GRM1: variants seen among roughly 807,000 people sequenced by gnomAD.
GRM1 encodes glutamate metabotropic receptor 1, also known as metabotropic glutamate receptor 1.
Under a neutral mutation model 90.9 loss-of-function variants are expected in GRM1, and 33 were observed. The observed-to-expected ratio is 0.36, with a 90% CI of 0.28 to 0.49. The LOEUF (loss-of-function observed/expected upper bound fraction) is 0.49, where lower values mean the gene tolerates loss of function less well. GRM1 is among the 20% of genes least tolerant of loss of function. The pLI, the probability that GRM1 is intolerant of heterozygous loss-of-function variation, is 0.99. For missense variants in GRM1, 1,190 were observed against 1,534.3 expected (o/e 0.78, Z 3.75); for synonymous variants, 700 against 613.2 (o/e 1.14, Z -2.09).
chr6:146,053,592 GA>G (rs1306939253), intron 1 of GRM1, among the ~76,000 whole-genome samples: 1 of 152,010 alleles, frequency 6.6e-6, no homozygotes, highest in East Asian at 1.9e-4. Flanking sequence ...AGGACTGATG[GA>G]CTGAATCCTG....
Position 146,357,564 on chromosome 6 carries a change from G to A in GRM1, c.1472G>A (p.Arg491His), listed in dbSNP as rs764264066. 11 of 1,613,588 alleles carry A rather than the reference G, an allele frequency of 6.8e-6. No homozygotes were observed. The East Asian group carries it at 8.9e-5, about 13-fold the overall frequency. ...IMNLQYTEAN[R>H]YDYVHVGTWH... The stretch of plus-strand genomic sequence containing the variant: ...AATCTGCAGTACACTGAAGCTAATC[G>A]CTATGACTATGTGCACGTTGGAACC... Residue 491 changes from arginine to histidine, a missense_variant, in exon 5 of 8, where the codon CGC becomes CAC. Transcript: ENST00000282753.
chr6:146,045,837 C>A (rs1205804556), intron 1 of GRM1, among the ~76,000 whole-genome samples: 1 of 149,628 alleles, frequency 6.7e-6, no homozygotes, highest in African/African-American at 2.5e-5. Context: ...CCCTTTTTCC[C>A]TTTTTAATCA....
chr6:146,057,353 A>G (rs1051628223), intron 1 of GRM1, among the ~76,000 whole-genome samples: 1 of 152,134 alleles, frequency 6.6e-6, no homozygotes, highest in Non-Finnish European at 1.5e-5. Flanking sequence ...TCCCCAGTGT[A>G]GCGGAATAAC....
At chr6:146,228,826 A>G (rs772691319) in intron 2 of GRM1, among the ~76,000 whole-genome samples, 9 of 152,146 alleles carry the variant, frequency 5.9e-5, no homozygotes, top group Non-Finnish European at 1.2e-4. Flanking sequence ...CAATTACATC[A>G]TCTATAAATG....
intron 5 of GRM1, among the ~76,000 whole-genome samples, chr6:146,381,608 T>A (rs1012331014): frequency 1.3e-5 from 2 of 152,160 alleles, no homozygotes; most frequent in African/African-American, 4.8e-5. Context: ...TGATTTTTGA[T>A]TCTCTGTAGA....
chr6:146,163,540 A>T (rs1161545076), intron 2 of GRM1, among the ~76,000 whole-genome samples: 1 of 152,208 alleles, frequency 6.6e-6, no homozygotes. Context: ...CTGCAGTGCC[A>T]GTGCTGGGAT....
In GRM1 at chr6:146,412,141, T is replaced by C. The variant is rs1258947998; in HGVS notation, c.2660+12442T>C. Among the ~76,000 whole-genome samples the C allele has an allele frequency of 2.6e-5, 4 of 152,346 alleles. No homozygotes were observed. In the South Asian group the frequency reaches 6.2e-4, roughly 24 times the overall value. The stretch of plus-strand genomic sequence containing the variant: ...GTCTCCCCTTACAAGTCTATTGATA[T>C]ATGTTGCAGCATTGTCAACGCTGTA... On this transcript the variant is annotated intron_variant, in intron 7 of 7. Coordinates refer to ENST00000282753, the MANE Select transcript of GRM1 (RefSeq NM_001278064.2).
chr6:146,308,174 G>A (rs147843743), intron 3 of GRM1, among the ~76,000 whole-genome samples: 293 of 152,288 alleles, frequency 1.9e-3, no homozygotes, highest in African/African-American at 6.7e-3. Flanking sequence ...CATAGAAGCT[G>A]ATAGGGTGTA....
At chr6:146,110,159 G>T (rs1775500442) in intron 1 of GRM1, among the ~76,000 whole-genome samples, 1 of 152,136 alleles carries the variant, frequency 6.6e-6, no homozygotes, top group African/African-American at 2.4e-5. Flanking sequence ...CATGAGATTT[G>T]GGAGGGGCCA....
At chr6:146,208,275 A>C (rs1374954622) in intron 2 of GRM1, among the ~76,000 whole-genome samples, 1 of 152,200 alleles carries the variant, frequency 6.6e-6, no homozygotes, top group Non-Finnish European at 1.5e-5. Flanking sequence ...CATGCTTTCA[A>C]ACTGATAATT....
intron 3 of GRM1, among the ~76,000 whole-genome samples, chr6:146,345,512 C>G (rs907139508): frequency 9.9e-5 from 15 of 152,158 alleles, no homozygotes; most frequent in African/African-American, 3.6e-4. Flanking sequence ...TCTTGTATTT[C>G]ACTCTGTATT....
At chr6:146,385,449 T>C (rs1776468957) in intron 5 of GRM1, among the ~76,000 whole-genome samples, 1 of 151,882 alleles carries the variant, frequency 6.6e-6, no homozygotes, top group Admixed American at 6.6e-5. Context: ...TAAACTTCCA[T>C]ACCAAGTGAA....
intron 5 of GRM1, among the ~76,000 whole-genome samples, chr6:146,379,354 G>A (rs548636473): frequency 1.3e-5 from 2 of 152,058 alleles, no homozygotes; most frequent in South Asian, 4.2e-4. Context: ...GATCCATTCT[G>A]CATTAAGACT....
chr6:146,215,852 G>A (rs1188261295), intron 2 of GRM1, among the ~76,000 whole-genome samples: 1 of 151,846 alleles, frequency 6.6e-6, no homozygotes, highest in Non-Finnish European at 1.5e-5. Flanking sequence ...CGCCTCCTGG[G>A]TTCACGCCAT....
At chr6:146,165,641 A>G (rs1777879576) in intron 2 of GRM1, among the ~76,000 whole-genome samples, 1 of 152,176 alleles carries the variant, frequency 6.6e-6, no homozygotes, top group African/African-American at 2.4e-5. Flanking sequence ...CAGACAGGCT[A>G]TACTTTTCTT....
chr6:146,346,491 T>G (rs1041178316), intron 3 of GRM1, among the ~76,000 whole-genome samples: 1 of 152,172 alleles, frequency 6.6e-6, no homozygotes, highest in Non-Finnish European at 1.5e-5. Context: ...GAGATAACCC[T>G]TTAGGGAAAG....
chr6:146,221,193 AT>A (rs1031015228), intron 2 of GRM1, among the ~76,000 whole-genome samples: 1 of 152,076 alleles, frequency 6.6e-6, no homozygotes, highest in African/African-American at 2.4e-5. Flanking sequence ...AGAATCAGAG[AT>A]TTTTTTAAAA....
At chr6:146,109,155 A>G (rs1389127292) in intron 1 of GRM1, among the ~76,000 whole-genome samples, 1 of 152,228 alleles carries the variant, frequency 6.6e-6, no homozygotes, top group African/African-American at 2.4e-5. Flanking sequence ...GCCAAATGTT[A>G]ACCCCCAAGA....
chr6:146,332,780 A>G lies in GRM1; in HGVS notation c.1187-19470A>G, dbSNP rs9968994. Reference sequence around the variant, plus strand: ...GCTATTACTCTGCTATCAGTTTTTTAAGGTATTTTGTCCTCCTCAAAATCA... The same window carrying G: ...GCTATTACTCTGCTATCAGTTTTTTGAGGTATTTTGTCCTCCTCAAAATCA... On this transcript the variant is annotated intron_variant, in intron 3 of 7. Transcript: ENST00000282753. Among the ~76,000 whole-genome samples the G allele has an allele frequency of 4.8e-3, 730 of 152,284 alleles. 4 individuals carry two copies. Among genetic ancestry groups the G allele is most frequent in the African/African-American group, 0.017 (700 of 41,570 alleles).
Sources: allele counts gnomAD v4.1 joint callset (sites outside exome capture counted in the v4.1 genomes callset), GRCh38; gene constraint gnomAD v4.1.1; transcripts MANE v1.5; gene names NCBI Gene and HGNC (gene_info 2026-07-23, HGNC 2026-07-21).